Variants in LRRC7 observed in about 807,000 individuals in gnomAD.
The protein encoded by LRRC7 is leucine rich repeat containing 7, also known as leucine-rich repeat-containing protein 7.
Under a neutral mutation model 175.7 loss-of-function variants are expected in LRRC7, and 23 were observed. The ratio of observed to expected loss-of-function variants is 0.13; its 90% CI spans 0.09 to 0.19. The LOEUF (loss-of-function observed/expected upper bound fraction) is 0.19, where lower values mean the gene tolerates loss of function less well. LRRC7 is among the 10% of genes least tolerant of loss of function. The pLI, the probability that LRRC7 is intolerant of heterozygous loss-of-function variation, is 1.00. For missense variants in LRRC7, 1,354 were observed against 1,904.7 expected (o/e 0.71, Z 5.38); for synonymous variants, 685 against 680.9 (o/e 1.01, Z -0.09).
At chr1:69,927,036 G>A (rs1175683930) in intron 7 of LRRC7, among the ~76,000 whole-genome samples, 6 of 152,288 alleles carry the variant, frequency 3.9e-5, no homozygotes, top group Non-Finnish European at 5.9e-5. Flanking sequence ...TTGCTTGTCT[G>A]TAAAGTATTT....
chr1:70,136,809 A>T lies in LRRC7; in HGVS notation c.*14922A>T, dbSNP rs12405952. 1.4e-5 allele frequency among the ~76,000 whole-genome samples: 2 copies of T among 140,594 alleles called. No homozygotes were observed. Among genetic ancestry groups the T allele is most frequent in the Non-Finnish European group, 3.0e-5 (2 of 66,774 alleles). 92.2% of individuals were successfully genotyped at this position (140,594 alleles called of 152,430 possible). ...CAGTGGCATGATCATGGCCCACTGC[A>T]GCCTTGACCACCTGGGCTCAAGTGA... On this transcript the variant is annotated 3_prime_UTR_variant, in exon 27 of 27. Transcript: ENST00000651989.
In LRRC7 at chr1:69,825,779, C is replaced by G. The variant is rs1307393675; in HGVS notation, c.453C>G (p.Cys151Trp). 6.2e-7 allele frequency: 1 copy of G among 1,605,756 alleles called. No homozygotes were observed. The highest frequency in any genetic ancestry group is 2.3e-5 in the East Asian group (1 of 44,430). The change falls in exon 5 of 27, where the codon TGC becomes TGG. Residue 151 changes from cysteine to tryptophan, a missense_variant. Around this residue, in one of 4 missense-constraint regions of LRRC7, gnomAD observed 201 missense variants for 481.4 expected, o/e 0.42. Coordinates refer to ENST00000651989, the MANE Select transcript of LRRC7 (RefSeq NM_001370785.2). The stretch of plus-strand genomic sequence containing the variant: ...AAGAATTTCCAGAAAACATAAAGTG[C>G]TGTAAGTGTTTAACAATTATTGAAG... ...GVQEFPENIK[C>W]CKCLTIIEAS... is the part of the protein sequence containing the mutation.
chr1:69,718,184 A>AG (rs1665946686), intron 2 of LRRC7, among the ~76,000 whole-genome samples: 1 of 133,894 alleles, frequency 7.5e-6, no homozygotes, highest in Non-Finnish European at 1.7e-5. Flanking sequence ...AGAAAAGAAA[A>AG]GAAAGAGAGA....
intron 8 of LRRC7, among the ~76,000 whole-genome samples, chr1:69,964,314 T>C (rs1473455984): frequency 6.6e-6 from 1 of 152,196 alleles, no homozygotes; most frequent in East Asian, 1.9e-4. Flanking sequence ...ATATGGGCTA[T>C]ACTACTGTCA....
At chr1:69,941,434 G>A (rs935927961) in intron 8 of LRRC7, among the ~76,000 whole-genome samples, 4 of 151,394 alleles carry the variant, frequency 2.6e-5, no homozygotes, top group African/African-American at 7.3e-5. Flanking sequence ...AGGGAAAACA[G>A]TTAGAAAGTT....
At chr1:69,856,867 A>G (rs1000353268) in intron 7 of LRRC7, among the ~76,000 whole-genome samples, 4 of 152,188 alleles carry the variant, frequency 2.6e-5, no homozygotes, top group African/African-American at 9.6e-5. Flanking sequence ...ATCCTCAATA[A>G]AATACTGGCA....
In LRRC7 at chr1:69,907,769, G is replaced by T. The variant is rs868823917; in HGVS notation, c.648-23738G>T. ...AGGCTTTGGTATCAGGATGATGCTGGCCTCATAAAATGAGTTAGGGAGGAT... is the reference window on the plus strand; with the variant it reads ...AGGCTTTGGTATCAGGATGATGCTGTCCTCATAAAATGAGTTAGGGAGGAT... On this transcript the variant is annotated intron_variant, in intron 7 of 26. Coordinates refer to ENST00000651989, the MANE Select transcript of LRRC7 (RefSeq NM_001370785.2). Among the ~76,000 whole-genome samples the T allele has an allele frequency of 5.9e-5, 9 of 152,236 alleles. No individual in the cohort carries two copies. In the Middle Eastern group the frequency reaches 0.01, roughly 173 times the overall value.
chr1:70,085,972 G>A (rs1340266907), intron 24 of LRRC7, among the ~76,000 whole-genome samples: 1 of 152,066 alleles, frequency 6.6e-6, no homozygotes, highest in Admixed American at 6.6e-5. Context: ...TTTTTCCAGA[G>A]TAGTTTATTT....
intron 4 of LRRC7, among the ~76,000 whole-genome samples, chr1:69,805,951 T>C (rs557734363): frequency 3.6e-4 from 54 of 151,876 alleles, no homozygotes; most frequent in Non-Finnish European, 7.1e-4. Flanking sequence ...ACTGATCAAT[T>C]TTCCTAGAGT....
rs1666793021 is a variant in LRRC7, at chr1:70,134,549, G to A, written c.*12662G>A. Among the ~76,000 whole-genome samples, 1 of 152,104 alleles carries A rather than the reference G, an allele frequency of 6.6e-6. No individual in the cohort carries two copies. The highest frequency in any genetic ancestry group is 2.4e-5 in the African/African-American group (1 of 41,398). On this transcript the variant is annotated 3_prime_UTR_variant, in exon 27 of 27. Coordinates refer to ENST00000651989, the MANE Select transcript of LRRC7 (RefSeq NM_001370785.2). The stretch of plus-strand genomic sequence containing the variant: ...TAATCTTTTTTTCTTCCAACCCGGA[G>A]CAAAGGTAGAGGGAAGACAAGGTGT...
At chr1:70,051,506 A>G (rs983589406) in intron 22 of LRRC7, among the ~76,000 whole-genome samples, 2 of 152,022 alleles carry the variant, frequency 1.3e-5, no homozygotes, top group African/African-American at 4.8e-5. Flanking sequence ...ACACTAGAAA[A>G]GTGATGCTGG....
At chr1:70,037,186 C>T (rs1195719339) in intron 20 of LRRC7, among the ~76,000 whole-genome samples, 1 of 152,142 alleles carries the variant, frequency 6.6e-6, no homozygotes, top group Non-Finnish European at 1.5e-5. Context: ...GCAATGTTTT[C>T]CCAGTTCTAA....
chr1:69,573,032 T>C (rs1370461889), intron 1 of LRRC7, among the ~76,000 whole-genome samples: 3 of 152,170 alleles, frequency 2.0e-5, no homozygotes, highest in Admixed American at 2.0e-4. Flanking sequence ...CTTGTCATAC[T>C]GCCTCCCCTA....
At chr1:69,875,475 A>T (rs1486227787) in intron 7 of LRRC7, among the ~76,000 whole-genome samples, 1 of 152,122 alleles carries the variant, frequency 6.6e-6, no homozygotes, top group Non-Finnish European at 1.5e-5. Context: ...AGAAGTGATT[A>T]TAAAAGTAAA....
intron 1 of LRRC7, among the ~76,000 whole-genome samples, chr1:69,659,031 T>C (rs1402527449): frequency 6.6e-6 from 1 of 151,936 alleles, no homozygotes; most frequent in Non-Finnish European, 1.5e-5. Context: ...GATAGGGTTG[T>C]CCAAGAGGAA....
At chr1:69,906,101 G>T (rs567151455) in intron 7 of LRRC7, among the ~76,000 whole-genome samples, 1 of 152,090 alleles carries the variant, frequency 6.6e-6, no homozygotes, top group Non-Finnish European at 1.5e-5. Flanking sequence ...TTTTTGATGG[G>T]GTTGTTTGTT....
chr1:69,581,301 A>T (rs1646191680), intron 1 of LRRC7, among the ~76,000 whole-genome samples: 1 of 152,172 alleles, frequency 6.6e-6, no homozygotes, highest in Non-Finnish European at 1.5e-5. Context: ...GAATTAGGAG[A>T]TGTTTACAGT....
At chr1:70,013,427 T>C (rs1436247583) in intron 13 of LRRC7, among the ~76,000 whole-genome samples, 2 of 151,852 alleles carry the variant, frequency 1.3e-5, no homozygotes, top group African/African-American at 2.4e-5. Flanking sequence ...TTAATAAAAA[T>C]GTGCATATCT....
At chr1:69,843,482 A>G (rs559602902) in intron 7 of LRRC7, among the ~76,000 whole-genome samples, 1 of 152,274 alleles carries the variant, frequency 6.6e-6, no homozygotes, top group Non-Finnish European at 1.5e-5. Flanking sequence ...AAGTACAAGC[A>G]TAAATGATAC....
Sources: allele counts gnomAD v4.1 joint callset (sites outside exome capture counted in the v4.1 genomes callset), GRCh38; gene constraint gnomAD v4.1.1; regional missense constraint gnomAD v4.1.1; transcripts MANE v1.5; gene names NCBI Gene and HGNC (gene_info 2026-07-23, HGNC 2026-07-21).